Variants in PCDHA10 observed in about 807,000 individuals in gnomAD.
The protein encoded by PCDHA10 is protocadherin alpha-10.
In PCDHA10, 45 loss-of-function variants were observed where a neutral mutation model predicts 61.2. That is an observed-to-expected ratio of 0.74 (90% CI 0.58 to 0.94). The LOEUF (loss-of-function observed/expected upper bound fraction) is 0.94, where lower values mean the gene tolerates loss of function less well. Among genes scored for constraint, PCDHA10 ranks in the 40% least tolerant of loss-of-function variants. The pLI is 0.00. For synonymous variants in PCDHA10, 602 were observed against 548.8 expected, an observed-to-expected ratio of 1.10 and a Z score of -1.35; for missense variants, 1,278 against 1,236.2, an observed-to-expected ratio of 1.03 and a Z score of -0.51.
At chr5:140,916,070 G>A (rs1554197282) in intron 1 of PCDHA10, among the ~76,000 whole-genome samples, 1 of 152,130 alleles carries the variant, frequency 6.6e-6, no homozygotes, top group Non-Finnish European at 1.5e-5. Flanking sequence ...CCTGTGGCCA[G>A]TACTACCACT....
chr5:140,857,262 CAT>C lies in PCDHA10; in HGVS notation c.1215_1216del (p.Leu406GlyfsTer15). 1 of 1,598,710 alleles carries C rather than the reference CAT, an allele frequency of 6.3e-7. No homozygotes were observed. The highest frequency in any genetic ancestry group is 8.6e-7 in the Non-Finnish European group (1 of 1,168,036). ...GTGTCCACCTACAAGAATTACTACT[CAT>C]TGGTGCTGGACAGCGCTCTGGACCG... On this transcript the variant is annotated frameshift_variant, in exon 1 of 4. Coordinates refer to ENST00000307360, the MANE Select transcript of PCDHA10 (RefSeq NM_018901.4). LOFTEE classifies it high-confidence loss of function.
At chr5:140,997,670 G>A (rs1587757819) in intron 3 of PCDHA10, among the ~76,000 whole-genome samples, 1 of 79,680 alleles carries the variant, frequency 1.3e-5, no homozygotes, top group Non-Finnish European at 2.9e-5. Flanking sequence ...TATACAGCTT[G>A]TGTGTGTGTG....
chr5:140,960,886 A>G (rs1161636963), intron 1 of PCDHA10, among the ~76,000 whole-genome samples: 1 of 152,198 alleles, frequency 6.6e-6, no homozygotes, highest in African/African-American at 2.4e-5. Context: ...CACACTAATG[A>G]ATTTGGGGCA....
At chr5:140,962,622 G>A (rs1389569825) in intron 1 of PCDHA10, among the ~76,000 whole-genome samples, 2 of 152,130 alleles carry the variant, frequency 1.3e-5, no homozygotes, top group African/African-American at 2.4e-5. Context: ...AGGGAGATGT[G>A]AAAAAATTTA....
chr5:140,993,463 CACA>C (rs1563592017), intron 3 of PCDHA10, among the ~76,000 whole-genome samples: 29 of 7,582 alleles, frequency 3.8e-3, no homozygotes, highest in African/African-American at 0.016. Flanking sequence ...CTTTCTTTCT[CACA>C]CACACACACA....
chr5:140,883,075 T>A (rs969917261), intron 1 of PCDHA10: 8 of 1,614,134 alleles, frequency 5.0e-6, no homozygotes, highest in Non-Finnish European at 6.8e-6. Flanking sequence ...CCACAGATCC[T>A]GATGATGGTA....
intron 1 of PCDHA10, chr5:140,876,290 T>C: frequency 6.2e-7 from 1 of 1,614,074 alleles, no homozygotes; most frequent in Non-Finnish European, 8.5e-7. Flanking sequence ...GACGAAGGAC[T>C]TAATGGAGAA....
intron 1 of PCDHA10, chr5:140,869,893 C>T (rs375422597): frequency 6.2e-7 from 1 of 1,610,510 alleles, no homozygotes; most frequent in Admixed American, 1.7e-5. Flanking sequence ...TGTGCTCAAA[C>T]TAAACGCCAC....
At chr5:140,909,215 AC>A (rs1554193695) in intron 1 of PCDHA10, among the ~76,000 whole-genome samples, 1 of 152,160 alleles carries the variant, frequency 6.6e-6, no homozygotes, top group African/African-American at 2.4e-5. Flanking sequence ...GAGTTGATAT[AC>A]CCCTGAGGTA....
intron 1 of PCDHA10, among the ~76,000 whole-genome samples, chr5:140,903,617 G>T (rs1488747657): frequency 1.3e-5 from 2 of 152,140 alleles, no homozygotes; most frequent in Non-Finnish European, 2.9e-5. Context: ...ACATGAATGT[G>T]CATGCATATG....
At chr5:140,909,472 G>A (rs2074524054) in intron 1 of PCDHA10, among the ~76,000 whole-genome samples, 1 of 152,168 alleles carries the variant, frequency 6.6e-6, no homozygotes, top group South Asian at 2.1e-4. Context: ...CTTCTTCACA[G>A]GCTAAATAGG....
intron 3 of PCDHA10, among the ~76,000 whole-genome samples, chr5:140,986,222 G>A (rs1554247822): frequency 1.3e-5 from 2 of 152,164 alleles, no homozygotes; most frequent in African/African-American, 4.8e-5. Flanking sequence ...CCTTTCTCTA[G>A]CCTCCCCTCT....
In PCDHA10 at chr5:140,882,469, G is replaced by C; in HGVS notation, c.2388+24033G>C. Reference sequence around the variant, plus strand: ...TGGTGCCGCGCCTGTTCCGGGTGGCGTCCAAAAGACACGGGGACCTTCTGG... The same window carrying C: ...TGGTGCCGCGCCTGTTCCGGGTGGCCTCCAAAAGACACGGGGACCTTCTGG... On this transcript the variant is annotated intron_variant, in intron 1 of 3. Coordinates refer to ENST00000307360, the MANE Select transcript of PCDHA10 (RefSeq NM_018901.4). The C allele has an allele frequency of 1.2e-6, 2 of 1,614,032 alleles. 1 individual carries two copies. Among genetic ancestry groups the C allele is most frequent in the South Asian group, 2.2e-5 (2 of 91,072 alleles).
intron 1 of PCDHA10, chr5:140,967,902 C>T: frequency 6.2e-7 from 1 of 1,614,192 alleles, no homozygotes; most frequent in East Asian, 2.2e-5. Flanking sequence ...GAGAATGCTA[C>T]ACCCAACACC....
chr5:140,956,979 A>C (rs2153711830), intron 1 of PCDHA10, among the ~76,000 whole-genome samples: 1 of 152,346 alleles, frequency 6.6e-6, no homozygotes, highest in South Asian at 2.1e-4. Context: ...AATTTAAGTA[A>C]AATAAATTCA....
chr5:140,926,754 C>A, intron 1 of PCDHA10: 1 of 1,283,492 alleles, frequency 7.8e-7, no homozygotes. Context: ...TCGGCGGTCG[C>A]TGAGTATCCA....
At chr5:140,894,989 C>T (rs1446674371) in intron 1 of PCDHA10, among the ~76,000 whole-genome samples, 2 of 152,110 alleles carry the variant, frequency 1.3e-5, no homozygotes, top group Non-Finnish European at 2.9e-5. Context: ...TTGTGACATC[C>T]TTTACCCTTT....
At chr5:140,884,141 G>C in intron 1 of PCDHA10, 1 of 1,613,422 alleles carries the variant, frequency 6.2e-7, no homozygotes, top group South Asian at 1.1e-5. Flanking sequence ...GTTCCGCGTG[G>C]GGCTGTACAC....
At chr5:140,871,315 C>A (rs908582761) in intron 1 of PCDHA10, 1 of 1,613,928 alleles carries the variant, frequency 6.2e-7, no homozygotes, top group African/African-American at 1.3e-5. Context: ...GAAGCCCACG[C>A]TGGTGTGCTC....
Sources: gnomAD v4.1 joint callset for allele counts (sites outside exome capture counted in the v4.1 genomes callset) on GRCh38, gnomAD v4.1.1 for gene constraint, MANE v1.5 for transcripts, NCBI Gene and HGNC (gene_info 2026-07-23, HGNC 2026-07-21) for gene names.